AGPAT4: variants seen among roughly 807,000 people sequenced by gnomAD.
AGPAT4 encodes 1-acylglycerol-3-phosphate O-acyltransferase 4.
A neutral mutation model predicts 48.0 loss-of-function variants in AGPAT4; 15 were observed. The ratio of observed to expected loss-of-function variants is 0.31; its 90% CI spans 0.21 to 0.48. The LOEUF (loss-of-function observed/expected upper bound fraction) is 0.48, where lower values mean the gene tolerates loss of function less well. Ranked by LOEUF, AGPAT4 falls within the 20% of genes least tolerant of loss-of-function variation. The probability of loss-of-function intolerance (pLI) is 0.99; values close to 1 mark genes in which losing one functional copy is unlikely to be tolerated. For missense variants in AGPAT4, 314 were observed against 482.5 expected, an observed-to-expected ratio of 0.65 and a Z score of 3.27; for synonymous variants, 178 against 198.7, an observed-to-expected ratio of 0.90 and a Z score of 0.88.
rs1779515495 is a variant in AGPAT4, at chr6:161,149,016, AG to A, written c.767+170del. 6.6e-6 allele frequency among the ~76,000 whole-genome samples: 1 copy of A among 152,232 alleles called. No homozygotes were observed. The highest frequency in any genetic ancestry group is 2.4e-5 in the African/African-American group (1 of 41,462). ...ATCCGGAAGGAGCTGGGACGGAAGG[AG>A]ACTTCAGCAGATCATTCCAATAGTA... On this transcript the variant is annotated intron_variant, in intron 6 of 8. Transcript: ENST00000320285. This position sits in a 1 kb window ranked among gnomAD's most constrained non-coding sequence, Gnocchi z 6.5.
At chr6:161,193,290 TA>T (rs1780973703) in intron 2 of AGPAT4, among the ~76,000 whole-genome samples, 1 of 152,234 alleles carries the variant, frequency 6.6e-6, no homozygotes, top group African/African-American at 2.4e-5. Context: ...ATGAAACCCA[TA>T]CGGTGAGCTT....
Position 161,232,246 on chromosome 6 carries a change from ACTAC to A in AGPAT4, c.-37_-34del, listed in dbSNP as rs754350673. ...GGACGCTCTTATTCAGAAATAAATA[ACTAC>A]CCACAGTCAAAGATTTCCAGAAGGA... On this transcript the variant is annotated 5_prime_UTR_variant, in exon 2 of 9. Coordinates refer to ENST00000320285, the MANE Select transcript of AGPAT4 (RefSeq NM_020133.3). The surrounding 1 kb of genome is among the most constrained non-coding windows in gnomAD (Gnocchi z 6.8). The A allele has an allele frequency of 4.4e-6, 7 of 1,589,476 alleles. No homozygotes were observed. The African/African-American group carries it at 9.4e-5, about 21-fold the overall frequency.
In AGPAT4 at chr6:161,217,720, G is replaced by A. The variant is rs141784405; in HGVS notation, c.178+14316C>T. On this transcript the variant is annotated intron_variant, in intron 2 of 8. Coordinates refer to ENST00000320285, the MANE Select transcript of AGPAT4 (RefSeq NM_020133.3). This position sits in a 1 kb window ranked among gnomAD's most constrained non-coding sequence, Gnocchi z 4.9. ...TGAAAGGACTGGCTGGGAGAGGCATGGCATATTCAGAAATCCTCAAAGCCC... is the reference window on the plus strand; with the variant it reads ...TGAAAGGACTGGCTGGGAGAGGCATAGCATATTCAGAAATCCTCAAAGCCC... Among the ~76,000 whole-genome samples the A allele has an allele frequency of 3.9e-3, 592 of 152,290 alleles. 1 individual carries two copies. The highest frequency in any genetic ancestry group is 0.013 in the African/African-American group (557 of 41,560).
chr6:161,190,229 T>C (rs7763410), intron 2 of AGPAT4, among the ~76,000 whole-genome samples: 13,618 of 152,164 alleles, frequency 0.089, 2,013 homozygotes, highest in African/African-American at 0.31. Context: ...TTAGTCAAAA[T>C]AATGTATCAT....
chr6:161,205,096 C>T (rs953163087), intron 2 of AGPAT4, among the ~76,000 whole-genome samples: 3 of 152,152 alleles, frequency 2.0e-5, no homozygotes, highest in African/African-American at 7.2e-5. Context: ...TTGGGAAGCA[C>T]AGCAACGCCG....
Position 161,135,086 on chromosome 6 carries a change from G to GTTTTGC in AGPAT4, c.*1453_*1454insGCAAAA, listed in dbSNP as rs1554290852. The GTTTTGC allele has an allele frequency of 6.6e-6, 1 of 152,024 alleles. No individual in the cohort carries two copies. The highest frequency in any genetic ancestry group is 2.4e-5 in the African/African-American group (1 of 41,346). The allele number at this position is 152,024 out of a possible 1,614,324, so 9.4% of individuals were successfully genotyped here. A position where few individuals can be genotyped will look rare whatever the true frequency, so the allele number is the denominator to read the frequency against. On this transcript the variant is annotated 3_prime_UTR_variant, in exon 9 of 9. Transcript: ENST00000320285. ...GTAACTCCTTGGCTTACCTAGTTTGGTTGATAAACAATGACTAAATGAGCA... is the reference window on the plus strand; with the variant it reads ...GTAACTCCTTGGCTTACCTAGTTTGGTTTTGCTTGATAAACAATGACTAAATGAGCA...
rs1469513396 is a variant in AGPAT4, at chr6:161,243,545, T to C, written c.-89-11243A>G. 6.6e-6 allele frequency among the ~76,000 whole-genome samples: 1 copy of C among 152,168 alleles called. No individual in the cohort carries two copies. Among genetic ancestry groups the C allele is most frequent in the Non-Finnish European group, 1.5e-5 (1 of 68,030 alleles). On this transcript the variant is annotated intron_variant, in intron 1 of 8. Coordinates refer to ENST00000320285, the MANE Select transcript of AGPAT4 (RefSeq NM_020133.3). This position sits in a 1 kb window ranked among gnomAD's most constrained non-coding sequence, Gnocchi z 4.8. ...GCTGTGCAATCTTGGGTCAGTAGCTTATGCTCTCTGAGCCTCCGGGTCTGT... is the reference window on the plus strand; with the variant it reads ...GCTGTGCAATCTTGGGTCAGTAGCTCATGCTCTCTGAGCCTCCGGGTCTGT...
rs1782584624 is a variant in AGPAT4, at chr6:161,244,221, CAGG to C, written c.-89-11922_-89-11920del. On this transcript the variant is annotated intron_variant, in intron 1 of 8. Transcript: ENST00000320285. This position sits in a 1 kb window ranked among gnomAD's most constrained non-coding sequence, Gnocchi z 4.7. ...TAACAAATACAGAAGACGCAAAGAA[CAGG>C]TAGGTCACAGTGCCGTCTGCCTCCC... is the stretch of plus-strand genomic sequence containing the variant. Among the ~76,000 whole-genome samples the C allele has an allele frequency of 6.6e-6, 1 of 152,142 alleles. No homozygotes were observed. Among genetic ancestry groups the C allele is most frequent in the Non-Finnish European group, 1.5e-5 (1 of 68,030 alleles).
rs1348341245 is a variant in AGPAT4 at position 161,201,226 on chromosome 6, C to T, written c.178+30810G>A. Among the ~76,000 whole-genome samples, 2 of 152,010 alleles carry T rather than the reference C, an allele frequency of 1.3e-5. No homozygotes were observed. The highest frequency in any genetic ancestry group is 4.8e-5 in the African/African-American group (2 of 41,356). ...TGTTCAAGAGAGACTTAATTCTGTA[C>T]CTAATCAGATAAGGTGAAGGTTAAG... is the stretch of plus-strand genomic sequence containing the variant. On this transcript the variant is annotated intron_variant, in intron 2 of 8. Coordinates refer to ENST00000320285, the MANE Select transcript of AGPAT4 (RefSeq NM_020133.3). The surrounding 1 kb of genome is among the most constrained non-coding windows in gnomAD (Gnocchi z 6.0).
chr6:161,219,872 T>TAGATAGATAGATAGATAGATAGGC lies in AGPAT4; in HGVS notation c.178+12163_178+12164insGCCTATCTATCTATCTATCTATCT, dbSNP rs1375144242. Among the ~76,000 whole-genome samples the TAGATAGATAGATAGATAGATAGGC allele has an allele frequency of 1.7e-5, 2 of 121,164 alleles. No individual in the cohort carries two copies. Among genetic ancestry groups the TAGATAGATAGATAGATAGATAGGC allele is most frequent in the Admixed American group, 8.5e-5 (1 of 11,760 alleles). The allele number at this position is 121,164 out of a possible 152,430, so 79.5% of individuals were successfully genotyped here. A position where few individuals can be genotyped will look rare whatever the true frequency, so the allele number is the denominator to read the frequency against. ...ATAGATAGATAGATAGATAGATAGA[T>TAGATAGATAGATAGATAGATAGGC]AGGCAGGCAGGCAGGCAGGCAGGCA... On this transcript the variant is annotated intron_variant, in intron 2 of 8. Transcript: ENST00000320285. The surrounding 1 kb of genome is among the most constrained non-coding windows in gnomAD (Gnocchi z 4.9).
Position 161,264,331 on chromosome 6 carries a change from G to A in AGPAT4, c.-90+9607C>T, listed in dbSNP as rs76285563. 0.011 allele frequency among the ~76,000 whole-genome samples: 1,626 copies of A among 152,090 alleles called. 38 individuals are homozygous for A. Among genetic ancestry groups the A allele is most frequent in the African/African-American group, 0.037 (1,555 of 41,478 alleles). Reference sequence around the variant, plus strand: ...TCAGCCTCTCTCTGCTTCCTGCCACGCCAGCCCACCTCATTCCTCTGTGGT... The same window carrying A: ...TCAGCCTCTCTCTGCTTCCTGCCACACCAGCCCACCTCATTCCTCTGTGGT... On this transcript the variant is annotated intron_variant, in intron 1 of 8. Transcript: ENST00000320285. The surrounding 1 kb of genome is among the most constrained non-coding windows in gnomAD (Gnocchi z 6.8).
At chr6:161,203,918 T>C (rs1781311791) in intron 2 of AGPAT4, among the ~76,000 whole-genome samples, 1 of 152,178 alleles carries the variant, frequency 6.6e-6, no homozygotes, top group African/African-American at 2.4e-5. Context: ...AAATTCACAT[T>C]GAAAGCATTC....
chr6:161,237,508 G>GACT (rs1782322096), intron 1 of AGPAT4, among the ~76,000 whole-genome samples: 1 of 152,204 alleles, frequency 6.6e-6, no homozygotes, highest in African/African-American at 2.4e-5. Flanking sequence ...AGGGGATGTT[G>GACT]ACTATAAGCC....
At chr6:161,210,275 T>C (rs1255209868) in intron 2 of AGPAT4, among the ~76,000 whole-genome samples, 3 of 152,240 alleles carry the variant, frequency 2.0e-5, no homozygotes, top group Non-Finnish European at 4.4e-5. Context: ...CTCTGTACTT[T>C]ATAATGTAAA....
intron 2 of AGPAT4, among the ~76,000 whole-genome samples, chr6:161,182,339 T>C (rs186086711): frequency 0.16 from 4,594 of 28,256 alleles, no homozygotes; most frequent in Non-Finnish European, 0.17. Context: ...CAGCCTCTCA[T>C]CCTATCCCCT....
intron 3 of AGPAT4, among the ~76,000 whole-genome samples, chr6:161,163,352 C>T (rs1468879802): frequency 6.6e-6 from 1 of 151,942 alleles, no homozygotes; most frequent in Non-Finnish European, 1.5e-5. Flanking sequence ...AGAAGGATCC[C>T]AACATCATGT....
At position 161,220,609 on chromosome 6, in the gene AGPAT4, A is replaced by T. The variant is rs117753169; in HGVS notation, c.178+11427T>A. Among the ~76,000 whole-genome samples the T allele has an allele frequency of 6.6e-6, 1 of 152,228 alleles. No homozygotes were observed. The highest frequency in any genetic ancestry group is 1.9e-4 in the East Asian group (1 of 5,162). ...GACGCTGCCAGTAAGACAGAACCGA[A>T]TATTGCAAAATGGGTAGGCAATGCC... On this transcript the variant is annotated intron_variant, in intron 2 of 8. Coordinates refer to ENST00000320285, the MANE Select transcript of AGPAT4 (RefSeq NM_020133.3). This position sits in a 1 kb window ranked among gnomAD's most constrained non-coding sequence, Gnocchi z 6.0.
At position 161,180,691 on chromosome 6, in the gene AGPAT4, T is replaced by C. The variant is rs1184903413; in HGVS notation, c.179-14274A>G. 6.6e-6 allele frequency among the ~76,000 whole-genome samples: 1 copy of C among 152,128 alleles called. No individual in the cohort carries two copies. Among genetic ancestry groups the C allele is most frequent in the African/African-American group, 2.4e-5 (1 of 41,428 alleles). On this transcript the variant is annotated intron_variant, in intron 2 of 8. Coordinates refer to ENST00000320285, the MANE Select transcript of AGPAT4 (RefSeq NM_020133.3). The surrounding 1 kb of genome is among the most constrained non-coding windows in gnomAD (Gnocchi z 6.4). ...AGCTACTAAGTTTCTGGTGCCTGAATGTGGTGTCATTCTTCCCTGTAGCGG... is the reference window on the plus strand; with the variant it reads ...AGCTACTAAGTTTCTGGTGCCTGAACGTGGTGTCATTCTTCCCTGTAGCGG...
At position 161,165,914 on chromosome 6, in the gene AGPAT4, G is replaced by A; in HGVS notation, c.348+334C>T. 5.0e-6 allele frequency: 3 copies of A among 601,146 alleles called. No individual in the cohort carries two copies. Among genetic ancestry groups the A allele is most frequent in the South Asian group, 4.0e-5 (2 of 49,650 alleles). The allele number at this position is 601,146 out of a possible 1,614,324, so 37.2% of individuals were successfully genotyped here. On this transcript the variant is annotated intron_variant, in intron 3 of 8. Coordinates refer to ENST00000320285, the MANE Select transcript of AGPAT4 (RefSeq NM_020133.3). The surrounding 1 kb of genome is among the most constrained non-coding windows in gnomAD (Gnocchi z 5.5). ...AATCCAAATCTAATTACAGCTGTGT[G>A]ACTCTGAGCCGAATATTAAGCTCTA...
Sources: gnomAD v4.1 joint callset for allele counts (sites outside exome capture counted in the v4.1 genomes callset) on GRCh38, gnomAD v4.1.1 for gene constraint, Gnocchi (gnomAD v3.1) non-coding constraint, MANE v1.5 for transcripts, NCBI Gene and HGNC (gene_info 2026-07-23, HGNC 2026-07-21) for gene names.